The following CDC5L variants were observed in gnomAD, a reference collection of about 807,000 sequenced individuals.
CDC5L encodes cell division cycle 5-like protein.
CDC5L carries 18 observed loss-of-function variants against 104.1 expected under a neutral mutation model. The ratio of observed to expected loss-of-function variants is 0.17; its 90% CI spans 0.12 to 0.26. CDC5L has a LOEUF of 0.26. Among genes scored for constraint, CDC5L ranks in the 10% least tolerant of loss-of-function variants. The probability of loss-of-function intolerance (pLI) is 1.00; values close to 1 mark genes in which losing one functional copy is unlikely to be tolerated. For synonymous variants in CDC5L, 331 were observed against 322.7 expected (o/e 1.03, Z -0.28); for missense variants, 673 against 956.9 (o/e 0.70, Z 3.91).
intron 14 of CDC5L, among the ~76,000 whole-genome samples, chr6:44,433,846 A>G (rs1251822297): frequency 6.6e-6 from 1 of 152,214 alleles, no homozygotes; most frequent in Non-Finnish European, 1.5e-5. Context: ...TTTTCATTAT[A>G]AAGTCAGATA....
intron 9 of CDC5L, 28 bp downstream of exon 9, chr6:44,419,625 T>C (rs370347619): frequency 1.0e-5 from 16 of 1,573,144 alleles, no homozygotes; most frequent in Non-Finnish European, 1.4e-5. Flanking sequence ...GTTTTTATTT[T>C]AGAAAAACTT....
intron 15 of CDC5L, 79 bp downstream of exon 15, chr6:44,445,946 T>C (rs557225512): frequency 3.7e-6 from 4 of 1,077,830 alleles, no homozygotes; most frequent in African/African-American, 3.1e-5. Context: ...ACTTCTCCTA[T>C]GTAGACTGTC....
intron 14 of CDC5L, among the ~76,000 whole-genome samples, chr6:44,438,138 G>C (rs1451574031): frequency 1.3e-5 from 2 of 152,172 alleles, no homozygotes; most frequent in African/African-American, 4.8e-5. Flanking sequence ...TTGAGAGACA[G>C]TGTTTCACTC....
intron 14 of CDC5L, among the ~76,000 whole-genome samples, chr6:44,438,249 G>T (rs922002101): frequency 2.6e-5 from 4 of 152,182 alleles, no homozygotes; most frequent in African/African-American, 7.2e-5. Context: ...TTGCCTGGCT[G>T]AACATGTTAA....
At chr6:44,404,848 A>G (rs1320122465) in intron 6 of CDC5L, among the ~76,000 whole-genome samples, 2 of 152,040 alleles carry the variant, frequency 1.3e-5, no homozygotes, top group Non-Finnish European at 2.9e-5. Context: ...GTGTGCCACC[A>G]TGACTGGCTA....
chr6:44,406,714 G>A (rs925405360), intron 7 of CDC5L, among the ~76,000 whole-genome samples: 3 of 152,116 alleles, frequency 2.0e-5, no homozygotes, highest in African/African-American at 7.2e-5. Context: ...CAAGACAGAA[G>A]GAGTTCCTGC....
intron 4 of CDC5L, among the ~76,000 whole-genome samples, 198 bp from the exon 5 acceptor site, chr6:44,396,143 T>C (rs1364024012): frequency 1.3e-5 from 2 of 152,232 alleles, no homozygotes; most frequent in African/African-American, 2.4e-5. Context: ...GTCACATAGC[T>C]AGCAAGTGGT....
At position 44,429,176 on chromosome 6, in the gene CDC5L, T is replaced by C. The variant is rs11572033; in HGVS notation, c.1894-537T>C. Among the ~76,000 whole-genome samples the C allele has an allele frequency of 7.9e-3, 1,207 of 152,148 alleles. 20 individuals carry two copies. Among genetic ancestry groups the C allele is most frequent in the African/African-American group, 0.028 (1,152 of 41,518 alleles). On this transcript the variant is annotated intron_variant, in intron 13 of 15. Coordinates refer to ENST00000371477, the MANE Select transcript of CDC5L (RefSeq NM_001253.4). ...AGCTAGGATTACAGGCATGTGCCAC[T>C]ACGTCCTACTAATTTTTACATTTTT...
At chr6:44,387,952 G>A in intron 1 of CDC5L, 84 bp downstream of exon 1, 2 of 1,346,830 alleles carry the variant, frequency 1.5e-6, no homozygotes, top group South Asian at 1.3e-5. Flanking sequence ...GGGGGGCGAC[G>A]AGGAGACCCT....
At chr6:44,388,716 T>C (rs1467108572) in intron 1 of CDC5L, among the ~76,000 whole-genome samples, 3 of 151,418 alleles carry the variant, frequency 2.0e-5, no homozygotes, top group Non-Finnish European at 4.4e-5. Context: ...TCCTAGCGCT[T>C]GACATCTTTC....
chr6:44,411,393 T>C (rs1791615128), intron 8 of CDC5L, among the ~76,000 whole-genome samples: 1 of 152,120 alleles, frequency 6.6e-6, no homozygotes, highest in African/African-American at 2.4e-5. Flanking sequence ...CAGTCTCCTA[T>C]CTACAGGGTA....
At chr6:44,409,712 T>G (rs1357745417) in intron 8 of CDC5L, among the ~76,000 whole-genome samples, 1 of 152,192 alleles carries the variant, frequency 6.6e-6, no homozygotes, top group African/African-American at 2.4e-5. Context: ...GAAGAAATCT[T>G]TCTTAGAACT....
intron 8 of CDC5L, among the ~76,000 whole-genome samples, chr6:44,418,186 C>G (rs1474556961): frequency 6.6e-6 from 1 of 152,066 alleles, no homozygotes; most frequent in Non-Finnish European, 1.5e-5. Context: ...TGATGTTCCC[C>G]TTCCTGTGTC....
At chr6:44,442,356 G>A (rs942733172) in intron 14 of CDC5L, among the ~76,000 whole-genome samples, 11 of 148,732 alleles carry the variant, frequency 7.4e-5, no homozygotes, top group African/African-American at 2.8e-4. Context: ...CTCCTCTCTT[G>A]CTTGTGTGTG....
At chr6:44,433,781 T>C (rs916522544) in intron 14 of CDC5L, among the ~76,000 whole-genome samples, 7 of 152,190 alleles carry the variant, frequency 4.6e-5, no homozygotes, top group African/African-American at 1.7e-4. Context: ...CTGACTTGTC[T>C]GAAGGTTATA....
At chr6:44,416,961 C>A (rs115144006) in intron 8 of CDC5L, among the ~76,000 whole-genome samples, 1 of 152,082 alleles carries the variant, frequency 6.6e-6, no homozygotes, top group Non-Finnish European at 1.5e-5. Flanking sequence ...ATGTGAAATT[C>A]AAGATTTTTT....
intron 5 of CDC5L, among the ~76,000 whole-genome samples, chr6:44,400,000 C>T (rs1015309536): frequency 1.3e-5 from 2 of 151,624 alleles, no homozygotes; most frequent in Non-Finnish European, 2.9e-5. Context: ...TTTGTTATTC[C>T]ATTCCTTTTC....
chr6:44,440,072 C>T (rs1323212911), intron 14 of CDC5L, among the ~76,000 whole-genome samples: 1 of 151,988 alleles, frequency 6.6e-6, no homozygotes, highest in East Asian at 1.9e-4. Context: ...ATTTATTGTT[C>T]AAGTAAATTG....
chr6:44,416,886 C>A (rs912238181), intron 8 of CDC5L, among the ~76,000 whole-genome samples: 1 of 152,180 alleles, frequency 6.6e-6, no homozygotes, highest in African/African-American at 2.4e-5. Flanking sequence ...AGCCTACATA[C>A]GTTTCTTTCT....
Sources: allele counts gnomAD v4.1 joint callset (sites outside exome capture counted in the v4.1 genomes callset), GRCh38; gene constraint gnomAD v4.1.1; transcripts MANE v1.5; gene names NCBI Gene and HGNC (gene_info 2026-07-23, HGNC 2026-07-21).